Variants in DMXL1 observed in about 807,000 individuals in gnomAD.
DMXL1 encodes Dmx like 1, also known as dmX-like protein 1.
In DMXL1, 99 loss-of-function variants were observed where a neutral mutation model predicts 319.2. The ratio of observed to expected loss-of-function variants is 0.31; its 90% CI spans 0.26 to 0.37. The LOEUF is 0.37. DMXL1 is among the 10% of genes least tolerant of loss of function. The pLI is 1.00. For synonymous variants in DMXL1, 1,385 were observed against 1,235.2 expected, an observed-to-expected ratio of 1.12 and a Z score of -2.54; for missense variants, 3,745 against 3,595.6, an observed-to-expected ratio of 1.04 and a Z score of -1.06.
At chr5:119,082,012 TATATATATAC>T (rs1309963790) in intron 1 of DMXL1, among the ~76,000 whole-genome samples, 8 of 71,740 alleles carry the variant, frequency 1.1e-4, no homozygotes, top group African/African-American at 3.5e-4. Flanking sequence ...TATATATATA[TATATATATAC>T]ACACACACAC....
In DMXL1 at chr5:119,220,472, G is replaced by A. The variant is rs764179477; in HGVS notation, c.8014G>A (p.Ala2672Thr). The A allele has an allele frequency of 6.2e-7, 1 of 1,611,452 alleles. No individual in the cohort carries two copies. Among genetic ancestry groups the A allele is most frequent in the South Asian group, 1.1e-5 (1 of 90,444 alleles). Residue 2672 changes from alanine (A) to threonine (T), a missense_variant and splice_region_variant, in exon 36 of 44, where the codon GCA (alanine) becomes ACA (threonine). Ala to Thr is a moderately conservative substitution (Grantham distance 58, BLOSUM62 0). Around this residue, in one of 4 missense-constraint regions of DMXL1, gnomAD observed 1,382 missense variants for 1,269.5 expected, o/e 1.09. Transcript: ENST00000539542. ...DIITAFAVNK[A>T]NRNCIAIASS... is the part of the protein sequence containing the mutation. ...AATTACCATTTGACTTATTTTTCAG[G>A]CAAATAGAAACTGCATAGCAATCGC... is the stretch of plus-strand genomic sequence containing the variant.
rs546235189 is a variant in DMXL1, at chr5:119,223,760, G to A, written c.8278-949G>A. 1.6e-3 allele frequency among the ~76,000 whole-genome samples: 244 copies of A among 151,244 alleles called. 1 individual carries two copies. The highest frequency in any genetic ancestry group is 4.2e-3 in the South Asian group (20 of 4,794). On this transcript the variant is annotated intron_variant, in intron 37 of 43. Transcript: ENST00000539542. Reference sequence around the variant, plus strand: ...ACCTGTGTTTGTATATTTTTTTTACGTATGGTTCTCCTGTGAATATTAAAA... The same window carrying A: ...ACCTGTGTTTGTATATTTTTTTTACATATGGTTCTCCTGTGAATATTAAAA...
chr5:119,092,870 T>C (rs1755098917), intron 1 of DMXL1, among the ~76,000 whole-genome samples: 1 of 152,276 alleles, frequency 6.6e-6, no homozygotes, highest in Non-Finnish European at 1.5e-5. Flanking sequence ...TGTATGGATA[T>C]ATACTATATT....
intron 17 of DMXL1, 94 bp from the exon 18 acceptor site, chr5:119,148,645 A>G: frequency 6.7e-6 from 8 of 1,194,838 alleles, no homozygotes; most frequent in Non-Finnish European, 8.3e-6. Flanking sequence ...TCATATTTAT[A>G]GTAGTTAATA....
chr5:119,190,587 C>A (rs1287599640), intron 29 of DMXL1, among the ~76,000 whole-genome samples: 1 of 152,006 alleles, frequency 6.6e-6, no homozygotes, highest in African/African-American at 2.4e-5. Flanking sequence ...AGGGAAATGG[C>A]CAACTAAGAT....
intron 38 of DMXL1, among the ~76,000 whole-genome samples, chr5:119,228,164 T>A (rs1785948627): frequency 6.6e-6 from 1 of 152,196 alleles, no homozygotes; most frequent in Non-Finnish European, 1.5e-5. Context: ...TTTTTTCCCT[T>A]AGAGTTCTGG....
At chr5:119,129,058 A>C (rs949341146) in intron 9 of DMXL1, among the ~76,000 whole-genome samples, 153 bp from the exon 10 acceptor site, 3 of 152,204 alleles carry the variant, frequency 2.0e-5, no homozygotes, top group Non-Finnish European at 4.4e-5. Context: ...CTCTGTCTCA[A>C]AAAAACAAAA....
intron 24 of DMXL1, 105 bp from the exon 25 acceptor site, chr5:119,171,672 TA>T (rs977478472): frequency 3.4e-6 from 3 of 874,396 alleles, no homozygotes; most frequent in Admixed American, 2.8e-5. Flanking sequence ...ATTATGCTTT[TA>T]TTTTTTAATT....
At chr5:119,163,268 G>A (rs1169203853) in intron 19 of DMXL1, among the ~76,000 whole-genome samples, 2 of 152,278 alleles carry the variant, frequency 1.3e-5, no homozygotes, top group East Asian at 1.9e-4. Context: ...GAGGCATTAA[G>A]AGACAACGTA....
intron 1 of DMXL1, among the ~76,000 whole-genome samples, chr5:119,074,986 A>G (rs748322338): frequency 1.3e-5 from 2 of 152,188 alleles, no homozygotes; most frequent in Admixed American, 6.5e-5. Flanking sequence ...GAGTTGCTAC[A>G]TGAAAAAGTG....
chr5:119,075,349 C>T (rs971160413), intron 1 of DMXL1, among the ~76,000 whole-genome samples: 4 of 150,918 alleles, frequency 2.7e-5, no homozygotes, highest in African/African-American at 4.9e-5. Flanking sequence ...AAGCTGTTCT[C>T]GTGCCTCTGC....
chr5:119,171,105 A>C lies in DMXL1; in HGVS notation c.6314A>C (p.His2105Pro), dbSNP rs533924783. Reference protein sequence around the residue: ...GLNEDAEDLPHQTKVKQLREN... With the variant: ...GLNEDAEDLPPQTKVKQLREN... ...AATGAGGATGCTGAAGATTTGCCTCACCAAACAAAAGTGAAACAACTGAGA... is the reference window on the plus strand; with the variant it reads ...AATGAGGATGCTGAAGATTTGCCTCCCCAAACAAAAGTGAAACAACTGAGA... Residue 2105 changes from histidine (H) to proline (P), a missense_variant, in exon 24 of 44, where the codon CAC (histidine) becomes CCC (proline). This residue lies in a region of DMXL1 where 1,382 missense variants were observed against 1,269.5 expected (regional missense o/e 1.09). Coordinates refer to ENST00000539542, the MANE Select transcript of DMXL1 (RefSeq NM_001290321.3). 7 of 1,613,946 alleles carry C rather than the reference A, an allele frequency of 4.3e-6. No homozygotes were observed. The East Asian group carries it at 1.6e-4, about 36-fold the overall frequency.
At chr5:119,164,911 T>C (rs572105649) in intron 20 of DMXL1, among the ~76,000 whole-genome samples, 1 of 152,250 alleles carries the variant, frequency 6.6e-6, no homozygotes, top group African/African-American at 2.4e-5. Flanking sequence ...GTCTGATTTT[T>C]ACAAAATAAT....
At chr5:119,099,672 TTTTTGTGA>T (rs1423187649) in intron 2 of DMXL1, among the ~76,000 whole-genome samples, 2 of 152,186 alleles carry the variant, frequency 1.3e-5, no homozygotes, top group Non-Finnish European at 2.9e-5. Context: ...ATGAGCTATC[TTTTTGTGA>T]TAGACTATAT....
intron 28 of DMXL1, 134 bp from the exon 29 acceptor site, chr5:119,189,574 G>A (rs1387210945): frequency 6.4e-6 from 5 of 781,334 alleles, no homozygotes; most frequent in Non-Finnish European, 8.2e-6. Flanking sequence ...CTTACCTGCT[G>A]TGTACTTTCA....
intron 1 of DMXL1, among the ~76,000 whole-genome samples, chr5:119,089,300 T>G (rs1247402336): frequency 3.3e-5 from 2 of 61,512 alleles, no homozygotes; most frequent in African/African-American, 1.1e-4. Context: ...ATATTTTTTT[T>G]TTTTTTTTTT....
chr5:119,121,239 G>T (rs1438671524), intron 9 of DMXL1, 100 bp downstream of exon 9: 43 of 976,072 alleles, frequency 4.4e-5, no homozygotes, highest in Admixed American at 5.9e-5. Flanking sequence ...AAATATTGGA[G>T]GTGACTGTCT....
intron 19 of DMXL1, 53 bp downstream of exon 19, chr5:119,152,089 G>C: frequency 2.4e-6 from 3 of 1,242,362 alleles, no homozygotes; most frequent in Non-Finnish European, 3.4e-6. Flanking sequence ...GAAAATGAGA[G>C]ACTTGGGAGT....
At position 119,247,743 on chromosome 5, in the gene DMXL1, T is replaced by C. The variant is rs1312785799; in HGVS notation, c.*524T>C. The C allele has an allele frequency of 6.5e-6, 1 of 152,904 alleles. No homozygotes were observed. The highest frequency in any genetic ancestry group is 1.5e-5 in the Non-Finnish European group (1 of 68,556). The allele number at this position is 152,904 out of a possible 1,614,324, so 9.5% of individuals were successfully genotyped here. ...AGACGTCAGTGATAAATGAGCTAGA[T>C]GGCTCAATATGTAAGGTTTTCAGTA... On this transcript the variant is annotated 3_prime_UTR_variant, in exon 44 of 44. Coordinates refer to ENST00000539542, the MANE Select transcript of DMXL1 (RefSeq NM_001290321.3).
Sources: allele counts gnomAD v4.1 joint callset (sites outside exome capture counted in the v4.1 genomes callset), GRCh38; gene constraint gnomAD v4.1.1; regional missense constraint gnomAD v4.1.1; transcripts MANE v1.5; gene names NCBI Gene and HGNC (gene_info 2026-07-23, HGNC 2026-07-21).